MCCC2: variants seen among roughly 807,000 people sequenced by gnomAD.
MCCC2 encodes the protein methylcrotonoyl-CoA carboxylase beta chain, mitochondrial.
MCCC2 carries 52 observed loss-of-function variants against 77.2 expected under a neutral mutation model. The observed-to-expected ratio is 0.67, with a 90% confidence interval of 0.54 to 0.85. The LOEUF is 0.85. MCCC2 is among the 40% of genes least tolerant of loss of function. The pLI, the probability that MCCC2 is intolerant of heterozygous loss-of-function variation, is 0.00. For synonymous variants in MCCC2, 253 were observed against 248.4 expected, an observed-to-expected ratio of 1.02 and a Z score of -0.18; for missense variants, 682 against 703.2, an observed-to-expected ratio of 0.97 and a Z score of 0.34.
At chr5:71,601,178 T>C (rs1362021162) in intron 4 of MCCC2, among the ~76,000 whole-genome samples, 1 of 152,224 alleles carries the variant, frequency 6.6e-6, no homozygotes, top group Non-Finnish European at 1.5e-5. Context: ...GATTTCTCAT[T>C]CTGTAACAAG....
intron 2 of MCCC2, among the ~76,000 whole-genome samples, chr5:71,594,298 G>A (rs189062041): frequency 1.2e-3 from 185 of 152,230 alleles, no homozygotes; most frequent in Non-Finnish European, 1.9e-3. Flanking sequence ...GGAGGCCGAG[G>A]TGGGCGGATC....
rs1297447444 is a variant in MCCC2, at chr5:71,588,574, AT to A, written c.129+1024del. The stretch of plus-strand genomic sequence containing the variant: ...TGGATGCGTAGGAATGGAACTAATA[AT>A]TTTGTAGGGAAGATGGACAAGAAAG... On this transcript the variant is annotated intron_variant, in intron 1 of 16. Coordinates refer to ENST00000340941, the MANE Select transcript of MCCC2 (RefSeq NM_022132.5). 2.6e-5 allele frequency among the ~76,000 whole-genome samples: 4 copies of A among 152,196 alleles called. No homozygotes were observed. In the South Asian group the frequency reaches 8.3e-4, roughly 32 times the overall value.
Position 71,658,007 on chromosome 5 carries a change from G to C in MCCC2, c.*1147G>C, listed in dbSNP as rs954905758. The C allele has an allele frequency of 6.6e-6, 1 of 151,962 alleles. No homozygotes were observed. Among genetic ancestry groups the C allele is most frequent in the African/African-American group, 2.4e-5 (1 of 41,312 alleles). 9.4% of individuals were successfully genotyped at this position (151,962 alleles called of 1,614,324 possible). On this transcript the variant is annotated 3_prime_UTR_variant, in exon 17 of 17. Coordinates refer to ENST00000340941, the MANE Select transcript of MCCC2 (RefSeq NM_022132.5). ...CCACTTATTTTTGTCTTTCACTATC[G>C]CAGGCCTTAGAAGAGGTCTACCTGC...
chr5:71,594,942 A>C (rs1159345383), intron 2 of MCCC2, among the ~76,000 whole-genome samples: 1 of 147,500 alleles, frequency 6.8e-6, no homozygotes, highest in Non-Finnish European at 1.5e-5. Flanking sequence ...TCTGTCACTC[A>C]GGCTGGGGTG....
intron 10 of MCCC2, among the ~76,000 whole-genome samples, chr5:71,638,466 C>T (rs1460886919): frequency 6.6e-6 from 1 of 152,102 alleles, no homozygotes; most frequent in Non-Finnish European, 1.5e-5. Context: ...TTTCGATTTA[C>T]TTTGCCCAGA....
At chr5:71,604,179 T>C (rs1745570088) in intron 5 of MCCC2, among the ~76,000 whole-genome samples, 177 bp from the exon 6 acceptor site, 1 of 152,214 alleles carries the variant, frequency 6.6e-6, no homozygotes, top group African/African-American at 2.4e-5. Context: ...TTTGGGGCAA[T>C]GAATCCTTTT....
rs377115715 is a variant in MCCC2 at position 71,643,947 on chromosome 5, G to A, written c.1149+52G>A. ...ATTTTCTGTTTTAATTTAACATAAC[G>A]TTGAAGGTCAAATAATGAGTTAAAA... On this transcript the variant is annotated intron_variant, in intron 12 of 16. Transcript: ENST00000340941. 159 of 1,604,732 alleles carry A rather than the reference G, an allele frequency of 9.9e-5. 1 individual carries two copies. In the African/African-American group the frequency reaches 1.3e-3, roughly 13 times the overall value.
intron 6 of MCCC2, among the ~76,000 whole-genome samples, chr5:71,622,417 TA>T (rs1271958772): frequency 6.6e-6 from 1 of 152,164 alleles, no homozygotes; most frequent in Non-Finnish European, 1.5e-5. Flanking sequence ...TTTGACTCAT[TA>T]AAAAAATTTT....
intron 16 of MCCC2, among the ~76,000 whole-genome samples, chr5:71,656,454 A>G (rs931752427): frequency 2.6e-5 from 4 of 152,116 alleles, no homozygotes; most frequent in African/African-American, 7.2e-5. Flanking sequence ...AAGTAAACGT[A>G]TTGTCAAATT....
At chr5:71,631,860 G>A (rs190362977) in intron 7 of MCCC2, among the ~76,000 whole-genome samples, 1 of 151,892 alleles carries the variant, frequency 6.6e-6, no homozygotes, top group Admixed American at 6.6e-5. Flanking sequence ...AGCTGGAAAC[G>A]TGTGGGCTCA....
intron 8 of MCCC2, among the ~76,000 whole-genome samples, chr5:71,632,847 G>T (rs76276682): frequency 2.1e-3 from 320 of 152,140 alleles, no homozygotes; most frequent in African/African-American, 7.3e-3. Context: ...ACCATGTTAG[G>T]TTAGAGTGCA....
rs1302216206 is a variant in MCCC2 at position 71,643,873 on chromosome 5, T to C, written c.1127T>C (p.Leu376Pro). 13 of 1,614,068 alleles carry C rather than the reference T, an allele frequency of 8.1e-6. No individual in the cohort carries two copies. Among genetic ancestry groups the C allele is most frequent in the Non-Finnish European group, 1.1e-5 (13 of 1,180,020 alleles). Residue 376 changes from leucine to proline, a missense_variant, in exon 12 of 17, where the codon CTC becomes CCC. Physicochemically the swap from Leu to Pro is moderately conservative, Grantham distance 98 (BLOSUM62 -3). Transcript: ENST00000340941. ...PVGIVGNNGVLFSESAKKGTH... is the reference protein window; with the variant it reads ...PVGIVGNNGVPFSESAKKGTH... The stretch of plus-strand genomic sequence containing the variant: ...GGTATCGTTGGAAACAACGGAGTTC[T>C]CTTTTCTGAATCTGCAAAAAAGGCA...
At chr5:71,604,289 C>A in intron 5 of MCCC2, 67 bp from the exon 6 acceptor site, 6 of 1,328,590 alleles carry the variant, frequency 4.5e-6, no homozygotes, top group East Asian at 2.3e-5. Flanking sequence ...GTCATTGATA[C>A]AAGTTTCCCT....
intron 6 of MCCC2, among the ~76,000 whole-genome samples, chr5:71,621,442 G>T (rs1426715470): frequency 6.6e-6 from 1 of 152,146 alleles, no homozygotes; most frequent in Non-Finnish European, 1.5e-5. Flanking sequence ...AAATGACAAG[G>T]ATTATTAGTT....
chr5:71,651,480 T>G (rs1747436647), intron 15 of MCCC2, among the ~76,000 whole-genome samples: 1 of 152,228 alleles, frequency 6.6e-6, no homozygotes, highest in Non-Finnish European at 1.5e-5. Context: ...AGTATGAAGA[T>G]GATGGTTGTG....
chr5:71,588,066 C>T (rs1391290999), intron 1 of MCCC2, among the ~76,000 whole-genome samples: 3 of 151,906 alleles, frequency 2.0e-5, no homozygotes, highest in Non-Finnish European at 4.4e-5. Context: ...ATCAGGAGTT[C>T]GAGAACAGCC....
intron 4 of MCCC2, among the ~76,000 whole-genome samples, chr5:71,600,200 A>T (rs1745368224): frequency 6.6e-6 from 1 of 152,158 alleles, no homozygotes; most frequent in African/African-American, 2.4e-5. Context: ...CATGGAGACA[A>T]GGGCAAGGAA....
intron 11 of MCCC2, 92 bp from the exon 12 acceptor site, chr5:71,643,727 A>T: frequency 6.2e-7 from 1 of 1,611,116 alleles, no homozygotes; most frequent in Non-Finnish European, 8.5e-7. Context: ...CTTGGATCTG[A>T]TATTAAAGAA....
chr5:71,624,884 G>A (rs1474394217), intron 6 of MCCC2, among the ~76,000 whole-genome samples: 1 of 151,550 alleles, frequency 6.6e-6, no homozygotes, highest in African/African-American at 2.4e-5. Flanking sequence ...AGTAAATACT[G>A]GGTTTCACCA....
Sources: gnomAD v4.1 joint callset for allele counts (sites outside exome capture counted in the v4.1 genomes callset) on GRCh38, gnomAD v4.1.1 for gene constraint, MANE v1.5 for transcripts, NCBI Gene and HGNC (gene_info 2026-07-23, HGNC 2026-07-21) for gene names.